The following SUCLG2 variants were observed in gnomAD, a reference collection of about 807,000 sequenced individuals.
SUCLG2 encodes the protein succinate--CoA ligase [GDP-forming] subunit beta, mitochondrial.
SUCLG2 carries 42 observed loss-of-function variants against 47.9 expected under a neutral mutation model. The ratio of observed to expected loss-of-function variants is 0.88; its 90% CI spans 0.69 to 1.14. The LOEUF is 1.14. SUCLG2 is among the 50% of genes most tolerant of loss of function. SUCLG2 has a pLI of 0.00. For synonymous variants in SUCLG2, 195 were observed against 197.3 expected, an observed-to-expected ratio of 0.99 and a Z score of 0.10; for missense variants, 571 against 525.9, an observed-to-expected ratio of 1.09 and a Z score of -0.84.
intron 9 of SUCLG2, among the ~76,000 whole-genome samples, chr3:67,436,860 C>A (rs1019777188): frequency 6.6e-6 from 1 of 152,134 alleles, no homozygotes; most frequent in Non-Finnish European, 1.5e-5. Flanking sequence ...ACTAAACAAT[C>A]AAATGTTTTT....
chr3:67,527,660 A>G (rs536249654), intron 4 of SUCLG2, among the ~76,000 whole-genome samples: 2 of 152,316 alleles, frequency 1.3e-5, no homozygotes, highest in Admixed American at 6.5e-5. Flanking sequence ...TTCCTAATGC[A>G]ATATACCCCC....
intron 10 of SUCLG2, among the ~76,000 whole-genome samples, chr3:67,400,170 CA>C (rs149029599): frequency 0.071 from 10,743 of 151,924 alleles, 396 homozygotes; most frequent in Middle Eastern, 0.13. Flanking sequence ...AAGTTATTTA[CA>C]AACCTGTAAA....
intron 9 of SUCLG2, 27 bp from the exon 10 acceptor site, chr3:67,400,878 A>G (rs753703916): frequency 4.3e-6 from 7 of 1,612,008 alleles, no homozygotes; most frequent in Middle Eastern, 1.7e-4. Flanking sequence ...AAAGTTACCA[A>G]TCAAAATGCT....
At position 67,620,006 on chromosome 3, in the gene SUCLG2, T is replaced by C. The variant is rs141256791; in HGVS notation, c.85-10410A>G. The stretch of plus-strand genomic sequence containing the variant: ...AACAGAAGTAGGCAAGATTTATTTA[T>C]AGATAAAGAAAACAAATTAAGGTAA... On this transcript the variant is annotated intron_variant, in intron 1 of 10. Coordinates refer to ENST00000307227, the MANE Select transcript of SUCLG2 (RefSeq NM_003848.4). 6.3e-3 allele frequency among the ~76,000 whole-genome samples: 960 copies of C among 152,322 alleles called. 14 individuals carry two copies. The highest frequency in any genetic ancestry group is 0.021 in the African/African-American group (885 of 41,574).
At chr3:67,622,010 G>GGCTACAGTACCTCTATCT (rs1205208718) in intron 1 of SUCLG2, among the ~76,000 whole-genome samples, 1 of 152,112 alleles carries the variant, frequency 6.6e-6, no homozygotes, top group Non-Finnish European at 1.5e-5. Flanking sequence ...GCGGGCAACA[G>GGCTACAGTACCTCTATCT]GCTACAGTAC....
chr3:67,534,425 G>A (rs932128989), intron 2 of SUCLG2, among the ~76,000 whole-genome samples: 5 of 151,712 alleles, frequency 3.3e-5, no homozygotes, highest in Non-Finnish European at 7.4e-5. Context: ...TTTCATATTT[G>A]CCATATGCTT....
chr3:67,450,608 A>G (rs1458519189), intron 9 of SUCLG2, among the ~76,000 whole-genome samples: 1 of 152,302 alleles, frequency 6.6e-6, no homozygotes, highest in East Asian at 1.9e-4. Flanking sequence ...CATTTGCTGT[A>G]TTTCCTTTTT....
chr3:67,527,880 T>C lies in SUCLG2; in HGVS notation c.417+252A>G, dbSNP rs139251303. On this transcript the variant is annotated intron_variant, in intron 4 of 10. Transcript: ENST00000307227. ...ATCTGTGTTCTCAGAGGGAAAGCCA[T>C]TGCTCGGTCACTCACCCTCACCCAC... Among the ~76,000 whole-genome samples, 274 of 152,322 alleles carry C rather than the reference T, an allele frequency of 1.8e-3. 2 individuals are homozygous for C. Among genetic ancestry groups the C allele is most frequent in the African/African-American group, 6.4e-3 (266 of 41,572 alleles).
intron 10 of SUCLG2, among the ~76,000 whole-genome samples, chr3:67,392,263 T>A (rs1426265854): frequency 6.6e-6 from 1 of 152,134 alleles, no homozygotes; most frequent in African/African-American, 2.4e-5. Context: ...CCTCTCCACC[T>A]TTTCCCTGCA....
chr3:67,466,799 A>G (rs1704483532), intron 9 of SUCLG2, among the ~76,000 whole-genome samples: 1 of 152,202 alleles, frequency 6.6e-6, no homozygotes, highest in African/African-American at 2.4e-5. Context: ...GACAAAATGG[A>G]TTGATTACTA....
intron 2 of SUCLG2, among the ~76,000 whole-genome samples, chr3:67,603,471 G>A (rs1175593101): frequency 1.3e-5 from 2 of 152,140 alleles, no homozygotes; most frequent in Non-Finnish European, 1.5e-5. Flanking sequence ...TCATATTGAC[G>A]AATGGAAACA....
At chr3:67,480,098 G>A (rs1277372133) in intron 9 of SUCLG2, among the ~76,000 whole-genome samples, 1 of 151,722 alleles carries the variant, frequency 6.6e-6, no homozygotes, top group Non-Finnish European at 1.5e-5. Context: ...TGAGCTCTGG[G>A]CCACCATAGG....
At chr3:67,439,425 G>A (rs903371928) in intron 9 of SUCLG2, among the ~76,000 whole-genome samples, 1 of 152,142 alleles carries the variant, frequency 6.6e-6, no homozygotes, top group Non-Finnish European at 1.5e-5. Context: ...ATTCAAATAG[G>A]AAAAGAGGAA....
intron 2 of SUCLG2, among the ~76,000 whole-genome samples, chr3:67,578,400 C>T (rs1457246837): frequency 6.6e-6 from 1 of 151,596 alleles, no homozygotes; most frequent in Middle Eastern, 3.2e-3. Flanking sequence ...AACTAATTTT[C>T]CAATAAGTAC....
At chr3:67,578,342 G>A (rs934508062) in intron 2 of SUCLG2, among the ~76,000 whole-genome samples, 1 of 149,934 alleles carries the variant, frequency 6.7e-6, no homozygotes, top group Middle Eastern at 3.2e-3. Context: ...ATATCCAAGA[G>A]GTAAAGAAAT....
chr3:67,492,202 G>A (rs748866551), intron 9 of SUCLG2, among the ~76,000 whole-genome samples: 1 of 152,164 alleles, frequency 6.6e-6, no homozygotes, highest in Non-Finnish European at 1.5e-5. Flanking sequence ...GGCCTCCAGA[G>A]AGCAAAAGAT....
intron 10 of SUCLG2, among the ~76,000 whole-genome samples, chr3:67,389,799 G>A (rs1328977788): frequency 6.6e-6 from 1 of 151,950 alleles, no homozygotes; most frequent in African/African-American, 2.4e-5. Context: ...CGCTTTTAGT[G>A]GTAGTTTCTA....
At chr3:67,505,733 G>A (rs1285942291) in intron 7 of SUCLG2, among the ~76,000 whole-genome samples, 6 of 152,132 alleles carry the variant, frequency 3.9e-5, no homozygotes, top group Non-Finnish European at 2.9e-5. Context: ...AGGCCGAGGT[G>A]GGTGGATCAC....
chr3:67,477,190 C>T (rs1704784875), intron 9 of SUCLG2, among the ~76,000 whole-genome samples: 1 of 152,252 alleles, frequency 6.6e-6, no homozygotes, highest in African/African-American at 2.4e-5. Flanking sequence ...TGCCTCACTA[C>T]CTCCCCCATC....
Sources: allele counts gnomAD v4.1 joint callset (sites outside exome capture counted in the v4.1 genomes callset), GRCh38; gene constraint gnomAD v4.1.1; transcripts MANE v1.5; gene names NCBI Gene and HGNC (gene_info 2026-07-23, HGNC 2026-07-21).